The following CTTNBP2 variants were observed in gnomAD, a reference collection of about 807,000 sequenced individuals.
CTTNBP2 encodes cortactin-binding protein 2.
CTTNBP2 carries 108 observed loss-of-function variants against 156.9 expected under a neutral mutation model. The ratio of observed to expected loss-of-function variants is 0.69; its 90% CI spans 0.59 to 0.81. The LOEUF (loss-of-function observed/expected upper bound fraction) is 0.81, where lower values mean the gene tolerates loss of function less well. Among genes scored for constraint, CTTNBP2 ranks in the 30% least tolerant of loss-of-function variants. The probability of loss-of-function intolerance (pLI) is 0.00; values close to 1 mark genes in which losing one functional copy is unlikely to be tolerated. For missense variants in CTTNBP2, 1,924 were observed against 2,035.4 expected (o/e 0.95, Z 1.05); for synonymous variants, 767 against 751.8 (o/e 1.02, Z -0.33).
intron 3 of CTTNBP2, among the ~76,000 whole-genome samples, chr7:117,798,234 A>G (rs1295593937): frequency 6.6e-6 from 1 of 152,168 alleles, no homozygotes; most frequent in Non-Finnish European, 1.5e-5. Context: ...TATAAATAGT[A>G]TATCTGAAAA....
At chr7:117,856,595 C>T (rs1803334635) in intron 2 of CTTNBP2, among the ~76,000 whole-genome samples, 1 of 152,026 alleles carries the variant, frequency 6.6e-6, no homozygotes, top group Admixed American at 6.5e-5. Context: ...AGTTTCAATG[C>T]AAATAATAAT....
chr7:117,810,925 A>G lies in CTTNBP2; in HGVS notation c.254T>C (p.Leu85Pro). Reference sequence around the variant, plus strand: ...TGCTTCATAGTCTCTCTGGAGTGCCAGGAACGGGTCATTTAGATTAAATCT... The same window carrying G: ...TGCTTCATAGTCTCTCTGGAGTGCCGGGAACGGGTCATTTAGATTAAATCT... ...YGRFNLNDPF[L>P]ALQRDYEAGA... The change falls in exon 3 of 23, where the codon CTG (leucine) becomes CCG (proline). Residue 85 changes from leucine (L) to proline (P), a missense_variant. Coordinates refer to ENST00000160373, the MANE Select transcript of CTTNBP2 (RefSeq NM_033427.3). 8.1e-6 allele frequency: 13 copies of G among 1,614,170 alleles called. No homozygotes were observed. The highest frequency in any genetic ancestry group is 1.1e-5 in the Non-Finnish European group (13 of 1,180,018).
intron 2 of CTTNBP2, among the ~76,000 whole-genome samples, chr7:117,825,344 T>G (rs867634353): frequency 1.3e-5 from 2 of 152,228 alleles, no homozygotes; most frequent in Non-Finnish European, 2.9e-5. Context: ...GTCTGAGTCA[T>G]GCACTGTTGC....
chr7:117,835,767 A>G (rs1358562073), intron 2 of CTTNBP2, among the ~76,000 whole-genome samples: 2 of 152,216 alleles, frequency 1.3e-5, no homozygotes, highest in Non-Finnish European at 2.9e-5. Context: ...ATAAGGATGC[A>G]GAGCCACATA....
chr7:117,816,785 C>A (rs767192570), intron 2 of CTTNBP2, among the ~76,000 whole-genome samples: 6 of 151,962 alleles, frequency 3.9e-5, no homozygotes, highest in Non-Finnish European at 7.4e-5. Flanking sequence ...GGCAGATCAA[C>A]AACATAGACA....
intron 12 of CTTNBP2, among the ~76,000 whole-genome samples, chr7:117,753,978 C>T (rs1796756259): frequency 6.6e-6 from 1 of 152,186 alleles, no homozygotes; most frequent in African/African-American, 2.4e-5. Context: ...TCCAACAATT[C>T]AACACACATC....
At chr7:117,793,875 C>A (rs1799172047) in intron 3 of CTTNBP2, among the ~76,000 whole-genome samples, 1 of 152,194 alleles carries the variant, frequency 6.6e-6, no homozygotes, top group African/African-American at 2.4e-5. Flanking sequence ...TTGGCTTGTT[C>A]ATTTCTTCCA....
At chr7:117,795,134 G>A (rs1020610461) in intron 3 of CTTNBP2, among the ~76,000 whole-genome samples, 6 of 143,064 alleles carry the variant, frequency 4.2e-5, no homozygotes, top group Non-Finnish European at 3.0e-5. Flanking sequence ...CTGACCTCAT[G>A]ATCCACCCGC....
intron 2 of CTTNBP2, among the ~76,000 whole-genome samples, chr7:117,849,020 T>C (rs976952335): frequency 6.6e-6 from 1 of 152,212 alleles, no homozygotes; most frequent in Non-Finnish European, 1.5e-5. Context: ...TTTAAGAAAG[T>C]TTCCAGGCTG....
intron 3 of CTTNBP2, among the ~76,000 whole-genome samples, chr7:117,799,106 G>GAAA (rs549981355): frequency 2.1e-5 from 3 of 145,980 alleles, no homozygotes; most frequent in Middle Eastern, 3.5e-3. Context: ...AAACATTAAA[G>GAAA]AAAAAAAAAA....
At chr7:117,762,092 C>T (rs1048919569) in intron 9 of CTTNBP2, among the ~76,000 whole-genome samples, 1 of 152,122 alleles carries the variant, frequency 6.6e-6, no homozygotes, top group African/African-American at 2.4e-5. Context: ...TTCTCTCCAC[C>T]TTTTCCAGAC....
chr7:117,729,238 T>C (rs1372881463), intron 16 of CTTNBP2, among the ~76,000 whole-genome samples: 2 of 152,248 alleles, frequency 1.3e-5, no homozygotes, highest in Non-Finnish European at 2.9e-5. Context: ...CCTAAGGACC[T>C]GAACAAACAG....
At position 117,767,189 on chromosome 7, in the gene CTTNBP2, G is replaced by A; in HGVS notation, c.2779-13C>T. On this transcript the variant is annotated splice_polypyrimidine_tract_variant and intron_variant, in intron 8 of 22. Coordinates refer to ENST00000160373, the MANE Select transcript of CTTNBP2 (RefSeq NM_033427.3). Reference sequence around the variant, plus strand: ...TTTCTAGGCAGTTCTATAAAGACAAGAGCTCTATTACCTCCAAGTCCAAAT... The same window carrying A: ...TTTCTAGGCAGTTCTATAAAGACAAAAGCTCTATTACCTCCAAGTCCAAAT... 1 of 1,402,996 alleles carries A rather than the reference G, an allele frequency of 7.1e-7. No homozygotes were observed. The highest frequency in any genetic ancestry group is 1.2e-5 in the South Asian group (1 of 86,952). 86.9% of individuals were successfully genotyped at this position (1,402,996 alleles called of 1,614,324 possible). A position where few individuals can be genotyped will look rare whatever the true frequency, so the allele number is the denominator to read the frequency against.
intron 3 of CTTNBP2, among the ~76,000 whole-genome samples, chr7:117,797,487 C>T (rs903015910): frequency 2.6e-5 from 4 of 151,910 alleles, no homozygotes; most frequent in African/African-American, 9.7e-5. Context: ...CAATAAAAAC[C>T]GGCCCAAGAT....
In CTTNBP2 at chr7:117,794,956, G is replaced by A. The variant is rs867200394; in HGVS notation, c.415-2175C>T. On this transcript the variant is annotated intron_variant, in intron 3 of 22. Coordinates refer to ENST00000160373, the MANE Select transcript of CTTNBP2 (RefSeq NM_033427.3). Reference sequence around the variant, plus strand: ...AGGCGGGACTGCGGACTGCAGTGGCGCAATCTCGGCTCACTGCAAGCTCCG... The same window carrying A: ...AGGCGGGACTGCGGACTGCAGTGGCACAATCTCGGCTCACTGCAAGCTCCG... Among the ~76,000 whole-genome samples the A allele has an allele frequency of 8.4e-5, 12 of 143,504 alleles. No homozygotes were observed. The South Asian group carries it at 9.0e-4, about 11-fold the overall frequency. The allele number at this position is 143,504 out of a possible 152,430, so 94.1% of individuals were successfully genotyped here.
intron 3 of CTTNBP2, among the ~76,000 whole-genome samples, chr7:117,796,048 A>G (rs113076918): frequency 1.7e-3 from 253 of 152,266 alleles, no homozygotes; most frequent in Admixed American, 3.4e-3. Flanking sequence ...CTCCTTTATC[A>G]AAAACATTCA....
At chr7:117,793,343 G>C (rs1286629997) in intron 3 of CTTNBP2, 1 of 152,192 alleles carries the variant, frequency 6.6e-6, no homozygotes, top group Non-Finnish European at 1.5e-5. Context: ...AAAGTTCTTT[G>C]AAAACTCTAA....
chr7:117,724,452 T>A, intron 19 of CTTNBP2, 95 bp downstream of exon 19: 1 of 1,053,620 alleles, frequency 9.5e-7, no homozygotes, highest in South Asian at 1.7e-5. Context: ...TTTTACCAAA[T>A]GCATCGTGAT....
intron 2 of CTTNBP2, among the ~76,000 whole-genome samples, chr7:117,839,769 TTTA>T (rs1192761549): frequency 6.6e-6 from 1 of 152,148 alleles, no homozygotes; most frequent in East Asian, 1.9e-4. Context: ...ACCTCCCTAC[TTTA>T]GCTTTATTAT....
Sources: gnomAD v4.1 joint callset for allele counts (sites outside exome capture counted in the v4.1 genomes callset) on GRCh38, gnomAD v4.1.1 for gene constraint, MANE v1.5 for transcripts, NCBI Gene and HGNC (gene_info 2026-07-23, HGNC 2026-07-21) for gene names.